C12orf42: variants seen among roughly 807,000 people sequenced by gnomAD.
The protein encoded by C12orf42 is chromosome 12 open reading frame 42, also known as uncharacterized protein C12orf42.
Under a neutral mutation model 21.6 loss-of-function variants are expected in C12orf42, and 25 were observed. That is an observed-to-expected ratio of 1.16 (90% CI 0.84 to 1.62). The LOEUF is 1.62. Among genes scored for constraint, C12orf42 ranks in the 40% most tolerant of loss-of-function variants. The pLI is 0.00. For missense variants in C12orf42, 483 were observed against 459.3 expected (o/e 1.05, Z -0.47); for synonymous variants, 174 against 175.0 (o/e 0.99, Z 0.05).
the C12orf42 span, among the ~76,000 whole-genome samples, chr12:103,089,647 G>GTA: frequency 6.6e-6 from 1 of 150,964 alleles, no homozygotes; most frequent in Non-Finnish European, 1.5e-5. Context: ...GTGTGTGTGT[G>GTA]TGTGTGTTAA....
rs1953654425 is a variant in C12orf42, at chr12:103,472,041, A to G, written c.78+6308T>C. The G allele has an allele frequency of 2.8e-5, 4 of 145,000 alleles. No homozygotes were observed. In the Admixed American group the frequency reaches 3.0e-4, roughly 11 times the overall value. The allele number at this position is 145,000 out of a possible 1,614,324, so 9.0% of individuals were successfully genotyped here. On this transcript the variant is annotated intron_variant, in intron 2 of 5. Coordinates refer to ENST00000548883, the MANE Select transcript of C12orf42 (RefSeq NM_198521.5). ...GGTTAAAAACAAAAAGTTTTAATAC[A>G]ACTCAATTTTTTTTTTTTTTTTTTT...
the C12orf42 span, among the ~76,000 whole-genome samples, chr12:103,124,340 T>C: frequency 6.6e-6 from 1 of 151,950 alleles, no homozygotes; most frequent in African/African-American, 2.4e-5. Context: ...GACATCAAGG[T>C]TCTCCCTGAA....
At chr12:103,219,742 A>G in the C12orf42 span, among the ~76,000 whole-genome samples, 1 of 152,222 alleles carries the variant, frequency 6.6e-6, no homozygotes, top group Non-Finnish European at 1.5e-5. Flanking sequence ...AATGGCGATC[A>G]TTAAAAAGTC....
intron 1 of C12orf42, among the ~76,000 whole-genome samples, chr12:103,479,252 T>C (rs1182671738): frequency 2.0e-5 from 3 of 152,152 alleles, no homozygotes; most frequent in Non-Finnish European, 4.4e-5. Flanking sequence ...GCATTCTTCC[T>C]TATATCAATT....
At chr12:103,522,633 A>G in the C12orf42 span, among the ~76,000 whole-genome samples, 1 of 152,244 alleles carries the variant, frequency 6.6e-6, no homozygotes, top group Non-Finnish European at 1.5e-5. Flanking sequence ...CCCCTCTTTC[A>G]TGTCTCAGGA....
chr12:103,302,478 C>A lies in C12orf42; in HGVS notation c.713G>T (p.Ser238Ile), dbSNP rs754632352. ...CTCCTCCGGCTCGAGCTCTGTGTTA[C>A]TCGGGCCGGTGCTCTGCAGAGCGCC... ...TPGALQSTGP[S>I]NTELEPEERM... Residue 238 changes from serine (S) to isoleucine (I), a missense_variant, in exon 6 of 6, where the codon AGT becomes ATT. Transcript: ENST00000548883. 24 of 1,613,568 alleles carry A rather than the reference C, an allele frequency of 1.5e-5. No homozygotes were observed. The highest frequency in any genetic ancestry group is 2.0e-5 in the Non-Finnish European group (24 of 1,179,846).
At chr12:103,555,196 G>C in the C12orf42 span, among the ~76,000 whole-genome samples, 1 of 152,192 alleles carries the variant, frequency 6.6e-6, no homozygotes, top group African/African-American at 2.4e-5. Context: ...ACATATCCAA[G>C]ACTGGGGGAA....
the C12orf42 span, among the ~76,000 whole-genome samples, chr12:103,556,337 C>T: frequency 1.3e-5 from 2 of 152,188 alleles, no homozygotes; most frequent in Non-Finnish European, 2.9e-5. Context: ...AAGCCATGAA[C>T]TTCTCATGGT....
At chr12:103,287,374 A>G (rs2036532303) in intron 4 of C12orf42, among the ~76,000 whole-genome samples, 2 of 152,242 alleles carry the variant, frequency 1.3e-5, no homozygotes, top group Non-Finnish European at 2.9e-5. Context: ...CTATGCAACC[A>G]TAAAAAATGA....
At chr12:103,191,845 A>G in the C12orf42 span, among the ~76,000 whole-genome samples, 54 of 152,240 alleles carry the variant, frequency 3.5e-4, no homozygotes, top group Middle Eastern at 3.4e-3. Context: ...TGTGACATCA[A>G]TAACACCAAG....
the C12orf42 span, among the ~76,000 whole-genome samples, chr12:103,196,378 C>CA: frequency 2.6e-5 from 4 of 151,892 alleles, no homozygotes; most frequent in Admixed American, 6.6e-5. Context: ...TTAGAGTATA[C>CA]ACCACGTACA....
At chr12:103,256,849 T>A (rs2034641445) in intron 10 of C12orf42, among the ~76,000 whole-genome samples, 1 of 152,164 alleles carries the variant, frequency 6.6e-6, no homozygotes, top group African/African-American at 2.4e-5. Flanking sequence ...TTTTTAACAT[T>A]ACATAAAATT....
intron 10 of C12orf42, among the ~76,000 whole-genome samples, chr12:103,248,550 T>G (rs2073379873): frequency 1.3e-5 from 2 of 151,246 alleles, no homozygotes; most frequent in African/African-American, 4.9e-5. Flanking sequence ...TTTGTTATAT[T>G]TATACATATA....
At chr12:103,494,759 G>C (rs1176005215) in intron 1 of C12orf42, among the ~76,000 whole-genome samples, 1 of 152,138 alleles carries the variant, frequency 6.6e-6, no homozygotes, top group Non-Finnish European at 1.5e-5. Flanking sequence ...ATAGTGCCTA[G>C]CAGTTTTCAT....
At chr12:103,083,598 A>G in the C12orf42 span, among the ~76,000 whole-genome samples, 12 of 152,284 alleles carry the variant, frequency 7.9e-5, no homozygotes, top group African/African-American at 2.6e-4. Flanking sequence ...TTTCATCTCA[A>G]TGATGGACTT....
At chr12:103,541,581 T>G in the C12orf42 span, among the ~76,000 whole-genome samples, 3 of 152,228 alleles carry the variant, frequency 2.0e-5, no homozygotes, top group Non-Finnish European at 4.4e-5. Context: ...CTTGATCATG[T>G]TAATTAATGA....
downstream of C12orf42, among the ~76,000 whole-genome samples, chr12:103,234,241 G>T (rs1223071934): frequency 6.6e-6 from 1 of 151,814 alleles, no homozygotes; most frequent in Non-Finnish European, 1.5e-5. Flanking sequence ...TATGATATAT[G>T]ATATGGTCCA....
At chr12:103,534,395 A>C in the C12orf42 span, among the ~76,000 whole-genome samples, 3 of 152,126 alleles carry the variant, frequency 2.0e-5, no homozygotes, top group Non-Finnish European at 1.5e-5. Flanking sequence ...AAGCGAGACT[A>C]AAGGGATCCA....
intron 2 of C12orf42, among the ~76,000 whole-genome samples, chr12:103,415,640 T>C (rs1268485032): frequency 1.3e-5 from 2 of 152,176 alleles, no homozygotes; most frequent in African/African-American, 4.8e-5. Context: ...ATTTTTAAGA[T>C]AGCTGCGGAA....
Sources: allele counts gnomAD v4.1 joint callset (sites outside exome capture counted in the v4.1 genomes callset), GRCh38; gene constraint gnomAD v4.1.1; transcripts MANE v1.5; gene names NCBI Gene and HGNC (gene_info 2026-07-23, HGNC 2026-07-21).